Variants in LMNTD1 observed in about 807,000 individuals in gnomAD.
LMNTD1 encodes lamin tail domain containing 1.
LMNTD1 carries 35 observed loss-of-function variants against 50.9 expected under a neutral mutation model. The observed-to-expected ratio is 0.69, with a 90% confidence interval of 0.53 to 0.91. The LOEUF is 0.91. LMNTD1 is among the 40% of genes least tolerant of loss of function. The probability of loss-of-function intolerance (pLI) is 0.00; values close to 1 mark genes in which losing one functional copy is unlikely to be tolerated. For synonymous variants in LMNTD1, 153 were observed against 161.9 expected (o/e 0.94, Z 0.42); for missense variants, 470 against 475.5 (o/e 0.99, Z 0.11).
chr12:25,629,604 A>G (rs775879721), intron 1 of LMNTD1, among the ~76,000 whole-genome samples: 14 of 152,184 alleles, frequency 9.2e-5, no homozygotes, highest in Non-Finnish European at 1.8e-4. Context: ...GATTAGGCAG[A>G]CTGTAAAAAC....
chr12:25,625,523 C>T (rs1946570578), intron 1 of LMNTD1, among the ~76,000 whole-genome samples: 1 of 152,280 alleles, frequency 6.6e-6, no homozygotes, highest in African/African-American at 2.4e-5. Flanking sequence ...ATGGGTCCTA[C>T]ACCTCACAGC....
chr12:25,611,661 T>C (rs1946246789), intron 1 of LMNTD1, among the ~76,000 whole-genome samples: 1 of 152,208 alleles, frequency 6.6e-6, no homozygotes, highest in African/African-American at 2.4e-5. Flanking sequence ...AAGGATTGAC[T>C]CCCTTTCTCT....
At chr12:25,494,014 G>C (rs184587082) in intron 9 of LMNTD1, among the ~76,000 whole-genome samples, 3 of 152,256 alleles carry the variant, frequency 2.0e-5, no homozygotes, top group African/African-American at 4.8e-5. Flanking sequence ...CATGTGAATG[G>C]GGAGTCGTGG....
At chr12:25,571,823 C>A (rs540986127) in intron 1 of LMNTD1, among the ~76,000 whole-genome samples, 1 of 152,240 alleles carries the variant, frequency 6.6e-6, no homozygotes, top group South Asian at 2.1e-4. Context: ...GTGACCACCA[C>A]CATGCCCAGC....
chr12:25,616,345 C>A (rs976198814), intron 1 of LMNTD1, among the ~76,000 whole-genome samples: 1 of 152,098 alleles, frequency 6.6e-6, no homozygotes, highest in Non-Finnish European at 1.5e-5. Context: ...TTTACAACAA[C>A]TCAACAATAA....
chr12:25,567,676 G>A (rs1194807511), intron 1 of LMNTD1, among the ~76,000 whole-genome samples: 3 of 151,820 alleles, frequency 2.0e-5, no homozygotes, highest in Non-Finnish European at 4.4e-5. Flanking sequence ...AAAGAGTGTG[G>A]CACCTCCTCC....
At chr12:25,491,009 C>T (rs1226944098) in intron 9 of LMNTD1, among the ~76,000 whole-genome samples, 2 of 152,226 alleles carry the variant, frequency 1.3e-5, no homozygotes, top group Non-Finnish European at 2.9e-5. Flanking sequence ...TGAGGCAAAC[C>T]ATATGGCTCT....
In LMNTD1 at chr12:25,552,973, G is replaced by T; in HGVS notation, c.-14C>A. On this transcript the variant is annotated 5_prime_UTR_variant, in exon 2 of 10. Transcript: ENST00000458174. ...TGTATCTTTCATCTTGGCTAGAAAA[G>T]AAGTCTCTTTTCTTTCCTAGGAAAG... The T allele has an allele frequency of 1.2e-6, 2 of 1,604,882 alleles. No individual in the cohort carries two copies. Among genetic ancestry groups the T allele is most frequent in the Non-Finnish European group, 1.7e-6 (2 of 1,174,750 alleles).
intron 1 of LMNTD1, among the ~76,000 whole-genome samples, chr12:25,606,850 A>C (rs1208586929): frequency 6.6e-6 from 1 of 152,194 alleles, no homozygotes; most frequent in Non-Finnish European, 1.5e-5. Context: ...GCCTCATAAA[A>C]TGAGTTAGGG....
intron 1 of LMNTD1, among the ~76,000 whole-genome samples, chr12:25,605,995 C>G (rs926207172): frequency 1.3e-5 from 2 of 152,066 alleles, no homozygotes; most frequent in African/African-American, 4.8e-5. Context: ...TGTTTGTATC[C>G]TCTTTTATTT....
chr12:25,634,477 C>T (rs1946784594), intron 1 of LMNTD1, among the ~76,000 whole-genome samples: 1 of 152,112 alleles, frequency 6.6e-6, no homozygotes, highest in Non-Finnish European at 1.5e-5. Flanking sequence ...AAAAGATAAT[C>T]CAACATTATC....
rs762541170 is a variant in LMNTD1, at chr12:25,518,904, G to C, written c.1080C>G (p.Val360=). 2.5e-6 allele frequency: 4 copies of C among 1,614,116 alleles called. No individual in the cohort carries two copies. Among genetic ancestry groups the C allele is most frequent in the Middle Eastern group, 1.6e-4 (1 of 6,062 alleles). Reference sequence around the variant, plus strand: ...TCAGAGGACAGTAAGGATGTGCAGAGACATAGGGATTCTGGCACCAAGGGC... The same window carrying C: ...TCAGAGGACAGTAAGGATGTGCAGACACATAGGGATTCTGGCACCAAGGGC... ...NRSPWCQNPY[V]SAHPYCPLIE... Residue 360 remains valine (V), a synonymous_variant, in exon 8 of 10, where the codon GTC becomes GTG. Transcript: ENST00000458174.
intron 1 of LMNTD1, among the ~76,000 whole-genome samples, chr12:25,590,939 T>G (rs909958858): frequency 2.3e-4 from 35 of 151,966 alleles, no homozygotes; most frequent in Non-Finnish European, 4.4e-5. Flanking sequence ...GGTACTATGT[T>G]GAGGGCCTTG....
intron 8 of LMNTD1, among the ~76,000 whole-genome samples, chr12:25,512,930 G>A (rs1238869261): frequency 1.3e-5 from 2 of 152,040 alleles, no homozygotes; most frequent in East Asian, 3.9e-4. Context: ...TATTGCCCAT[G>A]AGTGGTTTCT....
At chr12:25,488,005 G>T (rs987790499) in intron 9 of LMNTD1, among the ~76,000 whole-genome samples, 1 of 149,244 alleles carries the variant, frequency 6.7e-6, no homozygotes, top group Non-Finnish European at 1.5e-5. Context: ...GAGATCCACT[G>T]TTAGTCTGAT....
chr12:25,642,749 A>C (rs1015010234), intron 1 of LMNTD1, among the ~76,000 whole-genome samples: 1 of 152,256 alleles, frequency 6.6e-6, no homozygotes, highest in African/African-American at 2.4e-5. Context: ...AAAGAAAAGC[A>C]TGGAGAGCCT....
chr12:25,574,202 T>G (rs1382731045), intron 1 of LMNTD1, among the ~76,000 whole-genome samples: 1 of 152,200 alleles, frequency 6.6e-6, no homozygotes, highest in African/African-American at 2.4e-5. Flanking sequence ...GCCACCTTAT[T>G]TTATTCCATC....
At chr12:25,597,250 T>A (rs931686365) in intron 1 of LMNTD1, among the ~76,000 whole-genome samples, 2 of 151,598 alleles carry the variant, frequency 1.3e-5, no homozygotes, top group Non-Finnish European at 2.9e-5. Flanking sequence ...AGACATAGAG[T>A]GGCTGAAACA....
chr12:25,577,913 C>T (rs1592058421), intron 1 of LMNTD1, among the ~76,000 whole-genome samples: 1 of 152,106 alleles, frequency 6.6e-6, no homozygotes, highest in African/African-American at 2.4e-5. Flanking sequence ...ATGGTGGGAG[C>T]ATATATGGGG....
Sources: allele counts gnomAD v4.1 joint callset (sites outside exome capture counted in the v4.1 genomes callset), GRCh38; gene constraint gnomAD v4.1.1; transcripts MANE v1.5; gene names NCBI Gene and HGNC (gene_info 2026-07-23, HGNC 2026-07-21).